PLS1: variants seen among roughly 807,000 people sequenced by gnomAD.
PLS1 encodes plastin-1.
A neutral mutation model predicts 73.7 loss-of-function variants in PLS1; 32 were observed. That is an observed-to-expected ratio of 0.43 (90% CI 0.33 to 0.58). PLS1 has a LOEUF of 0.58. PLS1 is among the 20% of genes least tolerant of loss of function. The pLI, the probability that PLS1 is intolerant of heterozygous loss-of-function variation, is 0.04. For synonymous variants in PLS1, 217 were observed against 261.3 expected, an observed-to-expected ratio of 0.83 and a Z score of 1.63; for missense variants, 633 against 740.5, an observed-to-expected ratio of 0.85 and a Z score of 1.68.
chr3:142,613,752 G>A (rs2108550669), intron 1 of PLS1, among the ~76,000 whole-genome samples: 1 of 152,280 alleles, frequency 6.6e-6, no homozygotes, highest in Non-Finnish European at 1.5e-5. Context: ...GCAAATAACA[G>A]ATGATTCAAG....
Position 142,712,527 on chromosome 3 carries a change from A to G in PLS1, c.*520A>G, listed in dbSNP as rs1370556324. ...TTATGGTGACCAGAATTGTTTATTAATATCAAACTTTTTTATATATGAGAA... is the reference window on the plus strand; with the variant it reads ...TTATGGTGACCAGAATTGTTTATTAGTATCAAACTTTTTTATATATGAGAA... On this transcript the variant is annotated 3_prime_UTR_variant, in exon 16 of 16. Transcript: ENST00000457734. The G allele has an allele frequency of 6.6e-6, 1 of 152,580 alleles. No homozygotes were observed. Among genetic ancestry groups the G allele is most frequent in the Non-Finnish European group, 1.5e-5 (1 of 68,016 alleles). 9.5% of individuals were successfully genotyped at this position (152,580 alleles called of 1,614,324 possible).
chr3:142,600,902 ATATATATATATATATTTT>A (rs2035907289), intron 1 of PLS1, among the ~76,000 whole-genome samples: 1 of 30,894 alleles, frequency 3.2e-5, no homozygotes, highest in Non-Finnish European at 5.1e-5. Flanking sequence ...ATATATATAT[ATATATATATATATATTTT>A]TTTTTTTTTT....
At position 142,602,905 on chromosome 3, in the gene PLS1, G is replaced by A. The variant is rs148361067; in HGVS notation, c.-37+6396G>A. 3.3e-3 allele frequency among the ~76,000 whole-genome samples: 497 copies of A among 152,078 alleles called. 1 individual carries two copies. The highest frequency in any genetic ancestry group is 0.01 in the African/African-American group (430 of 41,454). On this transcript the variant is annotated intron_variant, in intron 1 of 15. Transcript: ENST00000457734. ...TTTCACCATGTTGGCCAGGCTGGTC[G>A]CCAACTCCTGACCTCAAGTGACTCG...
At chr3:142,678,346 T>G (rs1397729397) in intron 6 of PLS1, among the ~76,000 whole-genome samples, 2 of 150,886 alleles carry the variant, frequency 1.3e-5, no homozygotes, top group East Asian at 3.9e-4. Flanking sequence ...TATGTATACA[T>G]GTGCCATGCT....
intron 1 of PLS1, among the ~76,000 whole-genome samples, chr3:142,644,150 T>C (rs1362606859): frequency 6.6e-6 from 1 of 152,138 alleles, no homozygotes; most frequent in Non-Finnish European, 1.5e-5. Flanking sequence ...TCTAAAGTTA[T>C]ACAACCCATG....
At chr3:142,664,353 GTCAGACT>G in intron 2 of PLS1, 46 bp downstream of exon 2, 1 of 975,852 alleles carries the variant, frequency 1.0e-6, no homozygotes. Flanking sequence ...TCTGCTTGAT[GTCAGACT>G]TCAGGAATGG....
chr3:142,604,040 T>C (rs1244685943), intron 1 of PLS1, among the ~76,000 whole-genome samples: 1 of 152,260 alleles, frequency 6.6e-6, no homozygotes, highest in East Asian at 1.9e-4. Context: ...TTAAATTGTT[T>C]ATAGATCCAG....
chr3:142,636,334 T>A (rs1027279759), intron 1 of PLS1, among the ~76,000 whole-genome samples: 2 of 152,212 alleles, frequency 1.3e-5, no homozygotes, highest in African/African-American at 4.8e-5. Context: ...CAAATGCAAT[T>A]CAGTGGAGAA....
At chr3:142,702,488 A>G (rs2038351348) in intron 12 of PLS1, among the ~76,000 whole-genome samples, 2 of 152,158 alleles carry the variant, frequency 1.3e-5, no homozygotes, top group African/African-American at 2.4e-5. Flanking sequence ...CTGTTTTGTA[A>G]TGGTACCTTA....
intron 1 of PLS1, among the ~76,000 whole-genome samples, chr3:142,608,924 G>C (rs1439286784): frequency 6.6e-6 from 1 of 152,200 alleles, no homozygotes; most frequent in Admixed American, 6.5e-5. Context: ...ATGTTTGCCA[G>C]CAGTTACATT....
chr3:142,631,289 G>A (rs1472833266), intron 1 of PLS1, among the ~76,000 whole-genome samples: 3 of 151,994 alleles, frequency 2.0e-5, no homozygotes, highest in African/African-American at 4.8e-5. Context: ...CACGGTGGGC[G>A]GATCACTGGA....
At chr3:142,642,566 G>C (rs554634234) in intron 1 of PLS1, among the ~76,000 whole-genome samples, 1 of 152,236 alleles carries the variant, frequency 6.6e-6, no homozygotes, top group African/African-American at 2.4e-5. Flanking sequence ...CACCCCATCA[G>C]TGTGGTCTGT....
In PLS1 at chr3:142,670,098, A is replaced by G. The variant is rs141119091; in HGVS notation, c.234+545A>G. ...AGGTCCTGTGAGAGTTTGTGGTAGA[A>G]GGAATTGAATTTGGAGGCAAGGCTG... On this transcript the variant is annotated intron_variant, in intron 3 of 15. Coordinates refer to ENST00000457734, the MANE Select transcript of PLS1 (RefSeq NM_001145319.2). Among the ~76,000 whole-genome samples the G allele has an allele frequency of 7.2e-4, 110 of 152,322 alleles. 1 individual carries two copies. The highest frequency in any genetic ancestry group is 6.8e-3 in the Middle Eastern group (2 of 294).
intron 1 of PLS1, among the ~76,000 whole-genome samples, chr3:142,603,134 T>G (rs2035957059): frequency 6.6e-6 from 1 of 152,242 alleles, no homozygotes; most frequent in Non-Finnish European, 1.5e-5. Flanking sequence ...CTGGAAACTT[T>G]GCTGACATGT....
rs1577888922 is a variant in PLS1 at position 142,684,295 on chromosome 3, T to G, written c.788T>G (p.Leu263Arg). 1.2e-6 allele frequency: 2 copies of G among 1,614,126 alleles called. No individual in the cohort carries two copies. The highest frequency in any genetic ancestry group is 1.7e-6 in the Non-Finnish European group (2 of 1,179,966). ...LLNEGEELEELMKLSPEELLL... is the reference protein window; with the variant it reads ...LLNEGEELEERMKLSPEELLL... Reference sequence around the variant, plus strand: ...AATGAAGGTGAGGAACTAGAGGAGCTGATGAAGCTTTCTCCCGAGGAATTA... The same window carrying G: ...AATGAAGGTGAGGAACTAGAGGAGCGGATGAAGCTTTCTCCCGAGGAATTA... Residue 263 changes from leucine to arginine, a missense_variant, in exon 8 of 16, where the codon CTG becomes CGG. By Grantham distance (102) the Leu-to-Arg change is moderately radical (BLOSUM62 -2). Transcript: ENST00000457734.
intron 1 of PLS1, among the ~76,000 whole-genome samples, chr3:142,605,148 G>A (rs565340100): frequency 3.7e-4 from 56 of 152,190 alleles, no homozygotes; most frequent in Middle Eastern, 6.8e-3. Context: ...TTCAGCTGTA[G>A]GTTTGATAAT....
intron 1 of PLS1, among the ~76,000 whole-genome samples, chr3:142,630,927 G>A (rs1431740974): frequency 4.4e-5 from 4 of 90,220 alleles, no homozygotes; most frequent in Admixed American, 3.0e-4. Flanking sequence ...AGAATAGAGA[G>A]CATGTAAATA....
intron 13 of PLS1, 54 bp downstream of exon 13, chr3:142,704,055 T>C (rs1422666676): frequency 8.6e-6 from 13 of 1,508,660 alleles, no homozygotes; most frequent in Non-Finnish European, 1.1e-5. Context: ...ACAAGTAATC[T>C]GAACCAAATT....
At chr3:142,706,636 T>G (rs766189699) in intron 14 of PLS1, among the ~76,000 whole-genome samples, 3 of 152,038 alleles carry the variant, frequency 2.0e-5, no homozygotes, top group Admixed American at 6.6e-5. Context: ...GGAGGGAGAA[T>G]AGTGTAACTG....
Sources: allele counts gnomAD v4.1 joint callset (sites outside exome capture counted in the v4.1 genomes callset), GRCh38; gene constraint gnomAD v4.1.1; transcripts MANE v1.5; gene names NCBI Gene and HGNC (gene_info 2026-07-23, HGNC 2026-07-21).